Variants in PARP8 observed in about 807,000 individuals in gnomAD.
PARP8 encodes the protein poly(ADP-ribose) polymerase family member 8.
PARP8 carries 51 observed loss-of-function variants against 124.1 expected under a neutral mutation model. The ratio of observed to expected loss-of-function variants is 0.41; its 90% CI spans 0.33 to 0.52. PARP8 has a LOEUF of 0.52. Ranked by LOEUF, PARP8 falls within the 20% of genes least tolerant of loss-of-function variation. PARP8 has a pLI of 0.21. For missense variants in PARP8, 860 were observed against 1,018.9 expected, an observed-to-expected ratio of 0.84 and a Z score of 2.12; for synonymous variants, 391 against 361.5, an observed-to-expected ratio of 1.08 and a Z score of -0.93.
chr5:50,827,911 CAT>C (rs761163669), intron 19 of PARP8, 31 bp from the exon 20 acceptor site: 200 of 1,434,806 alleles, frequency 1.4e-4, no homozygotes, highest in Admixed American at 6.8e-5. Flanking sequence ...TTAAGTTTTA[CAT>C]GTTTTTGTTT....
chr5:50,723,220 C>T (rs1014131212), intron 2 of PARP8, among the ~76,000 whole-genome samples: 20 of 151,938 alleles, frequency 1.3e-4, no homozygotes, highest in Non-Finnish European at 1.9e-4. Context: ...TTGTGTACAT[C>T]GAAAGTCTCA....
intron 2 of PARP8, among the ~76,000 whole-genome samples, chr5:50,716,836 T>G (rs1013562037): frequency 6.6e-6 from 1 of 152,102 alleles, no homozygotes; most frequent in African/African-American, 2.4e-5. Flanking sequence ...AATATTTAGT[T>G]TCTTCCTGCT....
chr5:50,833,943 TTCTGAC>T (rs1747276742), intron 23 of PARP8, 30 bp from the exon 24 acceptor site: 1 of 1,566,762 alleles, frequency 6.4e-7, no homozygotes, highest in African/African-American at 1.4e-5. Context: ...AAGTGTTTCA[TTCTGAC>T]TCTAAGTTTT....
intron 25 of PARP8, 46 bp from the exon 26 acceptor site, chr5:50,841,920 T>G: frequency 7.3e-7 from 1 of 1,365,868 alleles, no homozygotes; most frequent in Non-Finnish European, 1.0e-6. Flanking sequence ...TTTTAAATGC[T>G]GCCATCTTTT....
chr5:50,842,111 G>A lies in PARP8; in HGVS notation c.*43G>A, dbSNP rs1748246550. On this transcript the variant is annotated 3_prime_UTR_variant, in exon 26 of 26. Coordinates refer to ENST00000281631, the MANE Select transcript of PARP8 (RefSeq NM_024615.4). ...AACATGATTCGAAAGCCTTCCTCGG[G>A]TTCAAAGCTGGATTTTGAACTGAAG... The A allele has an allele frequency of 1.5e-6, 2 of 1,359,584 alleles. No individual in the cohort carries two copies. Among genetic ancestry groups the A allele is most frequent in the Admixed American group, 1.9e-5 (1 of 53,316 alleles). 84.2% of individuals were successfully genotyped at this position (1,359,584 alleles called of 1,614,324 possible).
chr5:50,730,224 TAATTTTATAAATGTC>T (rs1366480293), intron 2 of PARP8, among the ~76,000 whole-genome samples: 1 of 152,016 alleles, frequency 6.6e-6, no homozygotes, highest in African/African-American at 2.4e-5. Flanking sequence ...TTAATCTGTA[TAATTTTATAAATGTC>T]AAACTGTATT....
intron 2 of PARP8, among the ~76,000 whole-genome samples, chr5:50,675,189 G>A (rs1221060824): frequency 6.6e-6 from 1 of 152,192 alleles, no homozygotes; most frequent in Non-Finnish European, 1.5e-5. Context: ...GTTGCTGCTG[G>A]TTGACTTCCC....
intron 9 of PARP8, among the ~76,000 whole-genome samples, chr5:50,785,834 A>G (rs1247729971): frequency 6.6e-6 from 1 of 152,164 alleles, no homozygotes; most frequent in Non-Finnish European, 1.5e-5. Context: ...CCTATGAGCA[A>G]CACAATCTTT....
chr5:50,759,993 A>T (rs1000888362), intron 4 of PARP8, among the ~76,000 whole-genome samples: 1 of 152,198 alleles, frequency 6.6e-6, no homozygotes, highest in African/African-American at 2.4e-5. Context: ...ACATAGTGAC[A>T]GACTGAATAT....
At chr5:50,703,012 T>G (rs1272510326) in intron 2 of PARP8, among the ~76,000 whole-genome samples, 2 of 151,806 alleles carry the variant, frequency 1.3e-5, no homozygotes, top group Non-Finnish European at 2.9e-5. Context: ...AGATAAAAAG[T>G]GTTATAGGCC....
chr5:50,673,988 C>A (rs1279022642), intron 2 of PARP8, among the ~76,000 whole-genome samples: 3 of 152,192 alleles, frequency 2.0e-5, no homozygotes, highest in African/African-American at 7.2e-5. Flanking sequence ...TTATTTTAGT[C>A]TATTTTAATC....
At position 50,682,305 on chromosome 5, in the gene PARP8, C is replaced by T. The variant is rs189111085; in HGVS notation, c.146+14180C>T. ...AGGCAGGGTGTCGAATATTTGATGC[C>T]ATTTCCTTTGCTTGTAAATTGTTCA... On this transcript the variant is annotated intron_variant, in intron 2 of 25. Coordinates refer to ENST00000281631, the MANE Select transcript of PARP8 (RefSeq NM_024615.4). 2.3e-3 allele frequency among the ~76,000 whole-genome samples: 345 copies of T among 152,148 alleles called. 1 individual carries two copies. Among genetic ancestry groups the T allele is most frequent in the Non-Finnish European group, 1.9e-3 (131 of 67,992 alleles).
chr5:50,720,229 A>G (rs1755739107), intron 2 of PARP8, among the ~76,000 whole-genome samples: 1 of 152,088 alleles, frequency 6.6e-6, no homozygotes, highest in Non-Finnish European at 1.5e-5. Context: ...AGCAGTTTGC[A>G]TTCAGTGGGG....
intron 2 of PARP8, among the ~76,000 whole-genome samples, chr5:50,711,547 G>A (rs1475141689): frequency 6.6e-6 from 1 of 152,070 alleles, no homozygotes; most frequent in East Asian, 1.9e-4. Context: ...GGGCCACACG[G>A]GAAGTTAGCC....
chr5:50,738,150 T>G (rs1029273758), intron 2 of PARP8, among the ~76,000 whole-genome samples: 5 of 152,218 alleles, frequency 3.3e-5, no homozygotes, highest in African/African-American at 7.2e-5. Context: ...GGACTAGGGC[T>G]TTCCAAATGT....
chr5:50,781,396 A>G (rs1262365110), intron 9 of PARP8, among the ~76,000 whole-genome samples: 1 of 152,224 alleles, frequency 6.6e-6, no homozygotes. Context: ...TCAATATTAT[A>G]TACAGGCAAG....
intron 2 of PARP8, among the ~76,000 whole-genome samples, chr5:50,692,038 A>G (rs1752547537): frequency 1.3e-5 from 2 of 152,182 alleles, no homozygotes; most frequent in Admixed American, 6.6e-5. Flanking sequence ...TACTTTGACT[A>G]TTCAAAAGCC....
rs79456000 is a variant in PARP8 at position 50,777,002 on chromosome 5, A to G, written c.519-1067A>G. Among the ~76,000 whole-genome samples, 550 of 152,282 alleles carry G rather than the reference A, an allele frequency of 3.6e-3. 2 individuals are homozygous for G. Among genetic ancestry groups the G allele is most frequent in the African/African-American group, 0.013 (533 of 41,570 alleles). Reference sequence around the variant, plus strand: ...TCATCTGCAAAATGAATGTCGTAATATTATCCACCTCACAAGGCTGTGATG... The same window carrying G: ...TCATCTGCAAAATGAATGTCGTAATGTTATCCACCTCACAAGGCTGTGATG... On this transcript the variant is annotated intron_variant, in intron 7 of 25. Transcript: ENST00000281631.
intron 2 of PARP8, among the ~76,000 whole-genome samples, chr5:50,686,952 T>C (rs1220672717): frequency 6.6e-6 from 1 of 152,196 alleles, no homozygotes; most frequent in African/African-American, 2.4e-5. Flanking sequence ...TGAAGACCTT[T>C]GACATGCCCT....
Sources: gnomAD v4.1 joint callset for allele counts (sites outside exome capture counted in the v4.1 genomes callset) on GRCh38, gnomAD v4.1.1 for gene constraint, MANE v1.5 for transcripts, NCBI Gene and HGNC (gene_info 2026-07-23, HGNC 2026-07-21) for gene names.